ZC3H6: variants seen among roughly 807,000 people sequenced by gnomAD.
The protein encoded by ZC3H6 is zinc finger CCCH-type containing 6, also known as zinc finger CCCH domain-containing protein 6.
Under a neutral mutation model 107.7 loss-of-function variants are expected in ZC3H6, and 40 were observed. That is an observed-to-expected ratio of 0.37 (90% confidence interval 0.29 to 0.48). The LOEUF is 0.48. Among genes scored for constraint, ZC3H6 ranks in the 20% least tolerant of loss-of-function variants. ZC3H6 has a pLI of 0.98. For synonymous variants in ZC3H6, 493 were observed against 487.9 expected (o/e 1.01, Z -0.14); for missense variants, 1,267 against 1,410.4 (o/e 0.90, Z 1.63).
chr2:112,324,901 T>G, intron 10 of ZC3H6, 63 bp from the exon 11 acceptor site: 1 of 1,427,882 alleles, frequency 7.0e-7, no homozygotes. Flanking sequence ...AGCTTTCATT[T>G]CTTATGACTG....
In ZC3H6 at chr2:112,335,322, C is replaced by T. The variant is rs1677120487; in HGVS notation, c.*2834C>T. 1 of 152,164 alleles carries T rather than the reference C, an allele frequency of 6.6e-6. No individual in the cohort carries two copies. Among genetic ancestry groups the T allele is most frequent in the Admixed American group, 6.5e-5 (1 of 15,276 alleles). 9.4% of individuals were successfully genotyped at this position (152,164 alleles called of 1,614,324 possible). A position where few individuals can be genotyped will look rare whatever the true frequency, so the allele number is the denominator to read the frequency against. On this transcript the variant is annotated 3_prime_UTR_variant, in exon 12 of 12. Transcript: ENST00000409871. ...GCTTATGTTTCTGTTTATCCTTTAGCCATGGAACTTTAAAGAGTAGTGTTC... is the reference window on the plus strand; with the variant it reads ...GCTTATGTTTCTGTTTATCCTTTAGTCATGGAACTTTAAAGAGTAGTGTTC...
chr2:112,319,109 C>A (rs1194216853), intron 7 of ZC3H6, among the ~76,000 whole-genome samples: 1 of 152,086 alleles, frequency 6.6e-6, no homozygotes, highest in Admixed American at 6.5e-5. Context: ...TAAAAACATA[C>A]TTTTTTAAAA....
intron 4 of ZC3H6, 35 bp downstream of exon 4, chr2:112,310,196 A>C (rs1676570054): frequency 6.3e-7 from 1 of 1,581,530 alleles, no homozygotes; most frequent in Non-Finnish European, 8.6e-7. Flanking sequence ...TTAGAATGTG[A>C]GAACCTTATT....
At chr2:112,282,448 A>G (rs114307261) in intron 1 of ZC3H6, among the ~76,000 whole-genome samples, 2,512 of 152,336 alleles carry the variant, frequency 0.016, 70 homozygotes, top group African/African-American at 0.057. Flanking sequence ...TGTGACAGGT[A>G]CTGTTTTAAG....
chr2:112,290,526 T>G (rs1363245037), intron 1 of ZC3H6, among the ~76,000 whole-genome samples: 1 of 152,260 alleles, frequency 6.6e-6, no homozygotes, highest in Non-Finnish European at 1.5e-5. Context: ...CTTTGATTGG[T>G]GTCTGTGCTG....
chr2:112,308,930 T>C (rs1014995500), intron 3 of ZC3H6, among the ~76,000 whole-genome samples: 23 of 151,834 alleles, frequency 1.5e-4, no homozygotes, highest in African/African-American at 5.6e-4. Context: ...TGCGCGCCTG[T>C]AATCCCAGCT....
Position 112,325,187 on chromosome 2 carries a change from C to G in ZC3H6, c.2076C>G (p.Ser692Arg). 6.2e-7 allele frequency: 1 copy of G among 1,613,906 alleles called. No individual in the cohort carries two copies. The highest frequency in any genetic ancestry group is 2.2e-5 in the East Asian group (1 of 44,876). The part of the protein sequence containing the change: ...QTSTQPHRAP[S>R]KEEDDTVNWY... Reference sequence around the variant, plus strand: ...GCACCCAACCTCATAGGGCACCAAGCAAGGAAGAAGGTGTGTCAGAAGTTA... The same window carrying G: ...GCACCCAACCTCATAGGGCACCAAGGAAGGAAGAAGGTGTGTCAGAAGTTA... The change falls in exon 11 of 12, where the codon AGC becomes AGG. Residue 692 changes from serine (S) to arginine (R), a missense_variant. By Grantham distance (110) the Ser-to-Arg change is moderately radical. Coordinates refer to ENST00000409871, the MANE Select transcript of ZC3H6 (RefSeq NM_198581.3).
chr2:112,305,013 A>G (rs1425731903), intron 3 of ZC3H6, among the ~76,000 whole-genome samples: 1 of 152,168 alleles, frequency 6.6e-6, no homozygotes, highest in Non-Finnish European at 1.5e-5. Flanking sequence ...TAGTTGGGTA[A>G]ATATCAGAAT....
intron 1 of ZC3H6, among the ~76,000 whole-genome samples, chr2:112,280,493 G>C (rs537178668): frequency 6.6e-6 from 1 of 151,904 alleles, no homozygotes; most frequent in South Asian, 2.1e-4. Context: ...TTTCGTCTCT[G>C]CTAAGTATAG....
At position 112,325,037 on chromosome 2, in the gene ZC3H6, G is replaced by A. The variant is rs1676881421; in HGVS notation, c.1926G>A (p.Gly642=). ...VVQDSPNHGS[G]SDGSSTRTGH... The stretch of plus-strand genomic sequence containing the variant: ...AAGACTCACCTAACCATGGGAGTGG[G>A]TCTGATGGCAGCAGCACTAGGACAG... Residue 642 remains glycine (G), a synonymous_variant, in exon 11 of 12, where the codon GGG becomes GGA. Coordinates refer to ENST00000409871, the MANE Select transcript of ZC3H6 (RefSeq NM_198581.3). The A allele has an allele frequency of 6.2e-7, 1 of 1,613,494 alleles. No homozygotes were observed. The highest frequency in any genetic ancestry group is 1.3e-5 in the African/African-American group (1 of 74,906).
intron 11 of ZC3H6, among the ~76,000 whole-genome samples, chr2:112,329,286 A>C (rs1191069006): frequency 6.6e-6 from 1 of 152,144 alleles, no homozygotes; most frequent in East Asian, 1.9e-4. Context: ...AAAGATTTTA[A>C]GTATGCTTTA....
At chr2:112,323,628 T>C (rs1274828518) in intron 9 of ZC3H6, among the ~76,000 whole-genome samples, 2 of 152,092 alleles carry the variant, frequency 1.3e-5, no homozygotes, top group Non-Finnish European at 2.9e-5. Flanking sequence ...GAAGTTTCCC[T>C]CAACCCAAAG....
chr2:112,277,804 G>A (rs1287260178), intron 1 of ZC3H6, among the ~76,000 whole-genome samples: 3 of 148,938 alleles, frequency 2.0e-5, no homozygotes, highest in Admixed American at 6.7e-5. Context: ...TGCTTTTTTT[G>A]TCAACCCACA....
chr2:112,281,098 CAG>C (rs1045501932), intron 1 of ZC3H6, among the ~76,000 whole-genome samples: 40 of 152,020 alleles, frequency 2.6e-4, no homozygotes, highest in African/African-American at 9.2e-4. Context: ...TTGGGAGAGA[CAG>C]AAAATAAACA....
intron 1 of ZC3H6, chr2:112,286,063 T>C (rs1440314915): frequency 1.1e-5 from 3 of 275,760 alleles, no homozygotes; most frequent in Non-Finnish European, 2.2e-5. Flanking sequence ...AGACTTAATA[T>C]GACAGGTTAA....
At chr2:112,315,996 G>A (rs1410542829) in intron 5 of ZC3H6, among the ~76,000 whole-genome samples, 1 of 152,102 alleles carries the variant, frequency 6.6e-6, no homozygotes, top group African/African-American at 2.4e-5. Context: ...AATGTGTAGA[G>A]TGTTTCTCGT....
intron 1 of ZC3H6, among the ~76,000 whole-genome samples, chr2:112,287,091 T>G (rs1686623550): frequency 6.6e-6 from 1 of 152,060 alleles, no homozygotes; most frequent in Admixed American, 6.6e-5. Context: ...AGAGAACTGC[T>G]ATATGAAAAT....
At position 112,332,260 on chromosome 2, in the gene ZC3H6, G is replaced by C; in HGVS notation, c.3342G>C (p.Gln1114His). 2 of 1,613,952 alleles carry C rather than the reference G, an allele frequency of 1.2e-6. No homozygotes were observed. The highest frequency in any genetic ancestry group is 1.1e-5 in the South Asian group (1 of 91,074). The change falls in exon 12 of 12, where the codon CAG (glutamine) becomes CAC (histidine). Residue 1114 changes from glutamine to histidine, a missense_variant. This residue lies in a region of ZC3H6 where 925 missense variants were observed against 1,025.7 expected (regional missense o/e 0.90). Transcript: ENST00000409871. ...CTCTTGAGGGGCCAGCTGACCCACAGGCGGACGTTCCCAGGAGTTCTGGTA... is the reference window on the plus strand; with the variant it reads ...CTCTTGAGGGGCCAGCTGACCCACACGCGGACGTTCCCAGGAGTTCTGGTA... Reference protein sequence around the residue: ...GVTLEGPADPQADVPRSSGKV... With the variant: ...GVTLEGPADPHADVPRSSGKV...
At chr2:112,298,589 C>T (rs1261541058) in intron 1 of ZC3H6, among the ~76,000 whole-genome samples, 1 of 152,222 alleles carries the variant, frequency 6.6e-6, no homozygotes, top group Non-Finnish European at 1.5e-5. Context: ...GAATAAAATT[C>T]AACCAAAGAA....
Sources: gnomAD v4.1 joint callset for allele counts (sites outside exome capture counted in the v4.1 genomes callset) on GRCh38, gnomAD v4.1.1 for gene constraint, gnomAD v4.1.1 regional missense constraint, MANE v1.5 for transcripts, NCBI Gene and HGNC (gene_info 2026-07-23, HGNC 2026-07-21) for gene names.